Variants in IMMP2L observed in about 807,000 individuals in gnomAD.
The protein encoded by IMMP2L is mitochondrial inner membrane protease subunit 2.
IMMP2L carries 18 observed loss-of-function variants against 19.3 expected under a neutral mutation model. The observed-to-expected ratio is 0.93, with a 90% CI of 0.64 to 1.38. IMMP2L has a LOEUF of 1.38. IMMP2L is among the 40% of genes most tolerant of loss of function. The pLI, the probability that IMMP2L is intolerant of heterozygous loss-of-function variation, is 0.00. For missense variants in IMMP2L, 233 were observed against 218.2 expected (o/e 1.07, Z -0.43); for synonymous variants, 76 against 73.0 (o/e 1.04, Z -0.21).
At chr7:111,113,199 G>T (rs986576928) in intron 3 of IMMP2L, among the ~76,000 whole-genome samples, 2 of 152,034 alleles carry the variant, frequency 1.3e-5, no homozygotes, top group African/African-American at 4.8e-5. Flanking sequence ...TTGGACTCTT[G>T]TCCACAGGCT....
At chr7:111,375,192 T>A (rs555369454) in intron 3 of IMMP2L, among the ~76,000 whole-genome samples, 1 of 152,108 alleles carries the variant, frequency 6.6e-6, no homozygotes, top group Non-Finnish European at 1.5e-5. Context: ...AGGAACAGGC[T>A]TGTTGAGTGT....
At chr7:110,884,514 C>G (rs904524668) in intron 5 of IMMP2L, among the ~76,000 whole-genome samples, 2 of 151,988 alleles carry the variant, frequency 1.3e-5, no homozygotes, top group African/African-American at 4.8e-5. Context: ...AAATCCATAT[C>G]ATGGGACGAT....
At chr7:111,297,182 G>A (rs926638751) in intron 3 of IMMP2L, among the ~76,000 whole-genome samples, 4 of 151,960 alleles carry the variant, frequency 2.6e-5, no homozygotes, top group Non-Finnish European at 5.9e-5. Flanking sequence ...AATTCCATAG[G>A]ACTATATATA....
intron 3 of IMMP2L, among the ~76,000 whole-genome samples, chr7:110,966,609 C>T (rs1054899840): frequency 6.6e-6 from 1 of 151,786 alleles, no homozygotes; most frequent in Non-Finnish European, 1.5e-5. Flanking sequence ...GCAAAGGGAG[C>T]TATCTATATA....
At chr7:111,027,344 GT>G in intron 3 of IMMP2L, among the ~76,000 whole-genome samples, 1 of 152,164 alleles carries the variant, frequency 6.6e-6, no homozygotes, top group Admixed American at 6.6e-5. Flanking sequence ...TATTAGTGAT[GT>G]TATATATTTT....
intron 3 of IMMP2L, among the ~76,000 whole-genome samples, chr7:111,433,192 G>A (rs562788065): frequency 1.3e-5 from 2 of 151,840 alleles, no homozygotes; most frequent in East Asian, 3.9e-4. Context: ...AGTGCCAGAA[G>A]GGGAAATGCC....
intron 3 of IMMP2L, among the ~76,000 whole-genome samples, chr7:111,169,272 C>A (rs1279197313): frequency 6.6e-6 from 1 of 151,834 alleles, no homozygotes; most frequent in African/African-American, 2.4e-5. Context: ...TCCCAATTCC[C>A]AACTCTTTCT....
chr7:111,059,729 A>C (rs774994261), intron 3 of IMMP2L, among the ~76,000 whole-genome samples: 8 of 152,130 alleles, frequency 5.3e-5, no homozygotes, highest in Non-Finnish European at 8.8e-5. Context: ...TTAACAGGAG[A>C]CCACAAAGTA....
chr7:111,195,587 T>C (rs117515712), intron 3 of IMMP2L, among the ~76,000 whole-genome samples: 2,012 of 152,232 alleles, frequency 0.013, 26 homozygotes, highest in Non-Finnish European at 0.017. Flanking sequence ...AGCAAATATG[T>C]ACATATATTT....
chr7:111,001,620 A>G (rs985171454), intron 3 of IMMP2L, among the ~76,000 whole-genome samples: 9 of 152,174 alleles, frequency 5.9e-5, no homozygotes, highest in African/African-American at 1.9e-4. Flanking sequence ...TTAAAGCAAT[A>G]TTTACTAGAA....
chr7:110,679,241 T>C (rs539651353), intron 5 of IMMP2L, among the ~76,000 whole-genome samples: 2 of 152,310 alleles, frequency 1.3e-5, no homozygotes, highest in African/African-American at 2.4e-5. Flanking sequence ...CCAGTCTCTT[T>C]ACCACATAAT....
chr7:111,350,348 TAC>T (rs1038405818), intron 3 of IMMP2L, among the ~76,000 whole-genome samples: 5 of 119,218 alleles, frequency 4.2e-5, no homozygotes, highest in African/African-American at 1.8e-4. Flanking sequence ...CTTGCATATA[TAC>T]ATATATATAT....
intron 3 of IMMP2L, among the ~76,000 whole-genome samples, chr7:111,459,167 T>A (rs1047818387): frequency 1.3e-5 from 2 of 152,156 alleles, no homozygotes; most frequent in Non-Finnish European, 2.9e-5. Flanking sequence ...CTACTAGACA[T>A]CTGTTTCTGA....
chr7:111,017,050 T>C (rs1041999459), intron 3 of IMMP2L, among the ~76,000 whole-genome samples: 8 of 142,264 alleles, frequency 5.6e-5, no homozygotes, highest in African/African-American at 2.1e-4. Flanking sequence ...ATATTGCATT[T>C]TTTAATATAT....
At chr7:111,552,035 C>T (rs1790728947) in intron 1 of IMMP2L, among the ~76,000 whole-genome samples, 1 of 152,096 alleles carries the variant, frequency 6.6e-6, no homozygotes, top group Admixed American at 6.6e-5. Flanking sequence ...CATGCTATAG[C>T]CACTGCTCGT....
intron 5 of IMMP2L, among the ~76,000 whole-genome samples, chr7:110,670,358 A>G (rs998447006): frequency 6.6e-6 from 1 of 152,238 alleles, no homozygotes; most frequent in Non-Finnish European, 1.5e-5. Context: ...GTATTTTGTT[A>G]TGAGAGTCCT....
At chr7:111,288,244 T>C (rs893170451) in intron 3 of IMMP2L, among the ~76,000 whole-genome samples, 1 of 152,104 alleles carries the variant, frequency 6.6e-6, no homozygotes, top group Non-Finnish European at 1.5e-5. Flanking sequence ...ATGAAAGAAA[T>C]TCGTATTTGG....
chr7:111,461,963 T>G (rs1478005654), intron 3 of IMMP2L, among the ~76,000 whole-genome samples: 1 of 151,944 alleles, frequency 6.6e-6, no homozygotes, highest in Non-Finnish European at 1.5e-5. Context: ...AACAATTCCA[T>G]TTTATATAGA....
chr7:110,825,121 A>C (rs1178273436), intron 5 of IMMP2L, among the ~76,000 whole-genome samples: 1 of 152,140 alleles, frequency 6.6e-6, no homozygotes, highest in Non-Finnish European at 1.5e-5. Context: ...TAGGAATCCA[A>C]CTTACAAGGG....
Sources: gnomAD v4.1 joint callset for allele counts (sites outside exome capture counted in the v4.1 genomes callset) on GRCh38, gnomAD v4.1.1 for gene constraint, MANE v1.5 for transcripts, NCBI Gene and HGNC (gene_info 2026-07-23, HGNC 2026-07-21) for gene names.